DOCK9: variants seen among roughly 807,000 people sequenced by gnomAD.
DOCK9 encodes the protein dedicator of cytokinesis protein 9.
Under a neutral mutation model 263.3 loss-of-function variants are expected in DOCK9, and 89 were observed. The ratio of observed to expected loss-of-function variants is 0.34; its 90% CI spans 0.28 to 0.40. The LOEUF (loss-of-function observed/expected upper bound fraction) is 0.40, where lower values mean the gene tolerates loss of function less well. Among genes scored for constraint, DOCK9 ranks in the 10% least tolerant of loss-of-function variants. DOCK9 has a pLI of 1.00. For missense variants in DOCK9, 2,140 were observed against 2,603.4 expected, an observed-to-expected ratio of 0.82 and a Z score of 3.87; for synonymous variants, 976 against 973.1, an observed-to-expected ratio of 1.00 and a Z score of -0.06.
At chr13:99,033,864 G>A (rs1211332271) in intron 1 of DOCK9, among the ~76,000 whole-genome samples, 3 of 152,084 alleles carry the variant, frequency 2.0e-5, no homozygotes, top group Admixed American at 6.6e-5. Context: ...TAGATGTGCT[G>A]AGTAAATAAA....
At chr13:98,937,457 T>C (rs1480336479) in intron 2 of DOCK9, among the ~76,000 whole-genome samples, 1 of 152,202 alleles carries the variant, frequency 6.6e-6, no homozygotes, top group East Asian at 1.9e-4. Flanking sequence ...AGCCCTTTCC[T>C]AGCTATTATA....
At chr13:98,881,828 C>T in intron 24 of DOCK9, 64 bp downstream of exon 24, 1 of 1,397,066 alleles carries the variant, frequency 7.2e-7, no homozygotes, top group East Asian at 2.5e-5. Flanking sequence ...CCCAGCTATG[C>T]ATGACTATGC....
intron 1 of DOCK9, among the ~76,000 whole-genome samples, chr13:98,959,112 T>C (rs944842347): frequency 3.3e-5 from 5 of 152,226 alleles, no homozygotes; most frequent in African/African-American, 1.2e-4. Flanking sequence ...TTGCTACAAG[T>C]GTCCCACCAA....
intron 1 of DOCK9, among the ~76,000 whole-genome samples, chr13:99,011,471 T>C (rs111918472): frequency 2.2e-3 from 331 of 152,286 alleles, no homozygotes; most frequent in African/African-American, 7.3e-3. Flanking sequence ...CCAGACTGTA[T>C]ATAAAATGAA....
chr13:99,050,800 C>T (rs923668897), intron 1 of DOCK9, among the ~76,000 whole-genome samples: 2 of 152,214 alleles, frequency 1.3e-5, no homozygotes, highest in Non-Finnish European at 2.9e-5. Context: ...TGTAGCCCAG[C>T]CCACTTTAAT....
intron 9 of DOCK9, among the ~76,000 whole-genome samples, chr13:98,907,150 C>G (rs113465720): frequency 1.3e-5 from 2 of 152,346 alleles, no homozygotes; most frequent in African/African-American, 4.8e-5. Flanking sequence ...CAAGTGGAAT[C>G]TATTTAACTG....
At chr13:98,964,826 C>T (rs868184755) in intron 1 of DOCK9, among the ~76,000 whole-genome samples, 5 of 152,160 alleles carry the variant, frequency 3.3e-5, no homozygotes, top group Non-Finnish European at 5.9e-5. Flanking sequence ...ACAGCTGCTA[C>T]CTGAGGTGAG....
Position 98,794,725 on chromosome 13 carries a change from C to T in DOCK9, c.6180G>A (p.Thr2060=), listed in dbSNP as rs751405068. Residue 2060 remains threonine, a synonymous_variant, in exon 53 of 53, where the codon ACG becomes ACA. Coordinates refer to ENST00000682017, the MANE Select transcript of DOCK9 (RefSeq NM_001366683.2). ...TGTGAAGGGAATTCGGTAAGACGCT[C>T]GTCTTCTCCTCCAGGGGGCAGATCT... ...HEQICPLEEK[T]SVLPNSLHIF... is the part of the protein sequence containing the mutation. 1.2e-5 allele frequency: 20 copies of T among 1,613,790 alleles called. No individual in the cohort carries two copies. Among genetic ancestry groups the T allele is most frequent in the East Asian group, 4.5e-5 (2 of 44,894 alleles).
chr13:98,979,230 A>AGTAGTAGTAGTG (rs1469428296), upstream of DOCK9, among the ~76,000 whole-genome samples: 1 of 116,102 alleles, frequency 8.6e-6, no homozygotes, highest in African/African-American at 3.5e-5. Context: ...TAGTAGTAGT[A>AGTAGTAGTAGTG]GCAGCAGCGG....
intron 40 of DOCK9, 48 bp from the exon 41 acceptor site, chr13:98,831,578 G>A (rs756728588): frequency 1.9e-6 from 3 of 1,593,096 alleles, no homozygotes; most frequent in South Asian, 1.1e-5. Flanking sequence ...ACAGGTCAGT[G>A]CTCGGTAATG....
intron 1 of DOCK9, among the ~76,000 whole-genome samples, chr13:99,076,398 T>A (rs763941264): frequency 3.4e-4 from 47 of 139,902 alleles, no homozygotes; most frequent in Non-Finnish European, 7.1e-4. Context: ...AAAATTAATC[T>A]TATACATTTT....
intron 50 of DOCK9, 104 bp downstream of exon 50, chr13:98,800,184 T>TA: frequency 8.0e-7 from 1 of 1,247,718 alleles, no homozygotes. Context: ...GATCACTTGG[T>TA]AAACCGAGGC....
At chr13:98,831,051 T>G (rs1025746474) in intron 41 of DOCK9, among the ~76,000 whole-genome samples, 1 of 152,204 alleles carries the variant, frequency 6.6e-6, no homozygotes, top group African/African-American at 2.4e-5. Flanking sequence ...ACCTAAAATG[T>G]TTACTATTAA....
intron 37 of DOCK9, chr13:98,846,449 T>A: frequency 8.4e-7 from 1 of 1,184,550 alleles, no homozygotes; most frequent in Non-Finnish European, 1.1e-6. Flanking sequence ...AATTAAAAAA[T>A]GCATTGGAAG....
chr13:98,826,803 T>C, intron 44 of DOCK9, 27 bp downstream of exon 44: 1 of 1,575,502 alleles, frequency 6.3e-7, no homozygotes, highest in Non-Finnish European at 8.7e-7. Flanking sequence ...CTAATTAATT[T>C]CACAAAACAT....
rs559416006 is a variant in DOCK9, at chr13:98,862,925, C to G, written c.3579+94G>C. The G allele has an allele frequency of 2.2e-4, 230 of 1,043,484 alleles. No individual in the cohort carries two copies. In the East Asian group the frequency reaches 4.7e-3, roughly 22 times the overall value. The allele number at this position is 1,043,484 out of a possible 1,614,324, so 64.6% of individuals were successfully genotyped here. On this transcript the variant is annotated intron_variant, in intron 32 of 52. Transcript: ENST00000682017. ...GGACTCCTGACTGGGAGAGAATAAA[C>G]TGCTGCTGCTCTAAGCCACCCAGCT...
At chr13:98,891,896 G>T (rs1283519025) in intron 15 of DOCK9, among the ~76,000 whole-genome samples, 1 of 150,800 alleles carries the variant, frequency 6.6e-6, no homozygotes. Flanking sequence ...TGTTGAATCT[G>T]GTTTATTAGA....
At chr13:98,796,340 T>G in intron 52 of DOCK9, 2 of 755,056 alleles carry the variant, frequency 2.6e-6, no homozygotes, top group Non-Finnish European at 4.6e-6. Flanking sequence ...CAAACGGCCC[T>G]GGCTTCCACT....
At chr13:99,083,084 A>G (rs779961526) in intron 1 of DOCK9, among the ~76,000 whole-genome samples, 5 of 152,054 alleles carry the variant, frequency 3.3e-5, no homozygotes, top group Non-Finnish European at 7.4e-5. Flanking sequence ...ATGAAACCTC[A>G]TCTCTACTAA....
Sources: gnomAD v4.1 joint callset for allele counts (sites outside exome capture counted in the v4.1 genomes callset) on GRCh38, gnomAD v4.1.1 for gene constraint, MANE v1.5 for transcripts, NCBI Gene and HGNC (gene_info 2026-07-23, HGNC 2026-07-21) for gene names.